Variants in PIRT observed in about 807,000 individuals in gnomAD.
PIRT encodes the protein phosphoinositide interacting regulator of transient receptor potential channels.
In PIRT, 6 loss-of-function variants were observed where a neutral mutation model predicts 7.9. The ratio of observed to expected loss-of-function variants is 0.76; its 90% CI spans 0.42 to 1.51. PIRT has a LOEUF of 1.51. PIRT is among the 40% of genes most tolerant of loss of function. PIRT has a pLI of 0.01. For synonymous variants in PIRT, 78 were observed against 71.8 expected, an observed-to-expected ratio of 1.09 and a Z score of -0.44; for missense variants, 170 against 172.9, an observed-to-expected ratio of 0.98 and a Z score of 0.09.
Position 10,825,367 on chromosome 17 carries a change from C to A in PIRT, c.279G>T (p.Gly93=). The A allele has an allele frequency of 6.2e-7, 1 of 1,613,976 alleles. No individual in the cohort carries two copies. Among genetic ancestry groups the A allele is most frequent in the Non-Finnish European group, 8.5e-7 (1 of 1,179,898 alleles). ...DKSLSILKMV[G]PGFLSLGLMM... ...TGAGTCCCAGGGACAGGAAGCCAGG[C>A]CCTACCATTTTGAGGATGGAGAGAC... Residue 93 remains glycine (G), a synonymous_variant, in exon 2 of 2, where the codon GGG becomes GGT. Transcript: ENST00000580256.
chr17:10,833,369 C>T (rs550076491), intron 1 of PIRT, among the ~76,000 whole-genome samples: 2 of 152,182 alleles, frequency 1.3e-5, no homozygotes, highest in East Asian at 3.9e-4. Context: ...AAATAGATAT[C>T]ATCAAAATTT....
At chr17:10,833,962 A>C (rs1241132249) in intron 1 of PIRT, among the ~76,000 whole-genome samples, 1 of 152,170 alleles carries the variant, frequency 6.6e-6, no homozygotes, top group African/African-American at 2.4e-5. Context: ...TAAAATGGGA[A>C]AATCTCACAA....
chr17:10,833,587 T>G (rs1266515065), intron 1 of PIRT, among the ~76,000 whole-genome samples: 3 of 152,144 alleles, frequency 2.0e-5, no homozygotes, highest in Non-Finnish European at 4.4e-5. Context: ...ACTCTGTCTC[T>G]GCTAAAAATA....
At chr17:10,835,613 G>C (rs59416509) in intron 1 of PIRT, among the ~76,000 whole-genome samples, 1 of 152,208 alleles carries the variant, frequency 6.6e-6, no homozygotes, top group African/African-American at 2.4e-5. Flanking sequence ...CAGAACTGCA[G>C]CCTTGGCTGA....
intron 1 of PIRT, among the ~76,000 whole-genome samples, chr17:10,827,806 A>T (rs1296350932): frequency 6.6e-6 from 1 of 152,060 alleles, no homozygotes; most frequent in Non-Finnish European, 1.5e-5. Flanking sequence ...ATAATCAGAA[A>T]TGTGGGTTCA....
At chr17:10,830,121 A>G (rs1905430038) in intron 1 of PIRT, among the ~76,000 whole-genome samples, 1 of 152,170 alleles carries the variant, frequency 6.6e-6, no homozygotes, top group East Asian at 1.9e-4. Flanking sequence ...AGGCACTTCT[A>G]GGCAATGACT....
chr17:10,832,586 T>C (rs1279188884), intron 1 of PIRT, among the ~76,000 whole-genome samples: 1 of 152,234 alleles, frequency 6.6e-6, no homozygotes, highest in African/African-American at 2.4e-5. Flanking sequence ...GTGTGCAATC[T>C]ATGTCAATAA....
intron 1 of PIRT, among the ~76,000 whole-genome samples, chr17:10,837,309 C>A (rs550389862): frequency 3.0e-4 from 45 of 152,354 alleles, no homozygotes; most frequent in Non-Finnish European, 6.0e-4. Context: ...CACACAGTTG[C>A]CTGACTGAGC....
At chr17:10,836,510 A>G (rs1018176080) in intron 1 of PIRT, among the ~76,000 whole-genome samples, 11 of 152,202 alleles carry the variant, frequency 7.2e-5, no homozygotes, top group Admixed American at 3.3e-4. Flanking sequence ...AACGCATGCA[A>G]AAAATGTATT....
chr17:10,825,915 G>T, intron 1 of PIRT, 132 bp from the exon 2 acceptor site: 2 of 306,018 alleles, frequency 6.5e-6, no homozygotes, highest in Non-Finnish European at 1.2e-5. Context: ...TTAAAACAAG[G>T]AACAGTGATG....
intron 1 of PIRT, among the ~76,000 whole-genome samples, chr17:10,830,184 C>G (rs1905431724): frequency 6.6e-6 from 1 of 152,168 alleles, no homozygotes; most frequent in Non-Finnish European, 1.5e-5. Context: ...ACCCTCCTCT[C>G]CCTCCCACGC....
At chr17:10,834,865 C>G (rs1905547145) in intron 1 of PIRT, among the ~76,000 whole-genome samples, 1 of 151,348 alleles carries the variant, frequency 6.6e-6, no homozygotes, top group South Asian at 2.1e-4. Context: ...GCTGGGATTA[C>G]AGACGTGAGC....
Position 10,824,006 on chromosome 17 carries a change from T to C in PIRT, c.*1226A>G, listed in dbSNP as rs1905260142. On this transcript the variant is annotated 3_prime_UTR_variant, in exon 2 of 2. Transcript: ENST00000580256. ...CTTCCAATGCCATTCTTTCCCCTCT[T>C]TGGTAACTCTTATCTTTCCTTTTGT... The C allele has an allele frequency of 6.6e-6, 1 of 152,298 alleles. No homozygotes were observed. The highest frequency in any genetic ancestry group is 2.4e-5 in the African/African-American group (1 of 41,462). 9.4% of individuals were successfully genotyped at this position (152,298 alleles called of 1,614,324 possible). A position where few individuals can be genotyped will look rare whatever the true frequency, so the allele number is the denominator to read the frequency against.
At chr17:10,833,202 G>A (rs566946728) in intron 1 of PIRT, among the ~76,000 whole-genome samples, 11 of 152,244 alleles carry the variant, frequency 7.2e-5, no homozygotes, top group East Asian at 5.8e-4. Context: ...CCCACTTGAC[G>A]TCATCAACAA....
In PIRT at chr17:10,823,935, TCTC is replaced by T. The variant is rs1905258300; in HGVS notation, c.*1294_*1296del. 1.3e-5 allele frequency: 2 copies of T among 152,170 alleles called. No homozygotes were observed. The highest frequency in any genetic ancestry group is 2.1e-4 in the South Asian group (1 of 4,828). The allele number at this position is 152,170 out of a possible 1,614,324, so 9.4% of individuals were successfully genotyped here. The stretch of plus-strand genomic sequence containing the variant: ...TGCAGTTTCCTAATTCCATCATGCT[TCTC>T]CTTCCCCAAGCTACTCCTGCACACG... On this transcript the variant is annotated 3_prime_UTR_variant, in exon 2 of 2. Transcript: ENST00000580256.
intron 1 of PIRT, among the ~76,000 whole-genome samples, chr17:10,834,538 G>A (rs1597589144): frequency 6.6e-6 from 1 of 152,290 alleles, no homozygotes; most frequent in Admixed American, 6.5e-5. Context: ...CATTGGTGGG[G>A]TTTGCATGAG....
chr17:10,829,120 C>T (rs186776575), intron 1 of PIRT, among the ~76,000 whole-genome samples: 16 of 152,298 alleles, frequency 1.1e-4, no homozygotes, highest in African/African-American at 3.6e-4. Flanking sequence ...GCAACCTGGT[C>T]TCATATGAGG....
At chr17:10,827,465 CTTTTTT>C (rs546105685) in intron 1 of PIRT, among the ~76,000 whole-genome samples, 1,193 of 56,280 alleles carry the variant, frequency 0.021, 18 homozygotes, top group African/African-American at 0.083. Context: ...TTTTTCTTTT[CTTTTTT>C]TTTTTTTTTT....
At chr17:10,836,183 G>A (rs981465486) in intron 1 of PIRT, among the ~76,000 whole-genome samples, 2 of 152,140 alleles carry the variant, frequency 1.3e-5, no homozygotes, top group Non-Finnish European at 2.9e-5. Context: ...GATTACAGGC[G>A]TGAGCTACTG....
Sources: allele counts gnomAD v4.1 joint callset (sites outside exome capture counted in the v4.1 genomes callset), GRCh38; gene constraint gnomAD v4.1.1; transcripts MANE v1.5; gene names NCBI Gene and HGNC (gene_info 2026-07-23, HGNC 2026-07-21).